TSHZ2: variants seen among roughly 807,000 people sequenced by gnomAD.
TSHZ2 encodes the protein teashirt zinc finger homeobox 2, also known as teashirt homolog 2.
In TSHZ2, 21 loss-of-function variants were observed where a neutral mutation model predicts 74.4. The observed-to-expected ratio is 0.28, with a 90% confidence interval of 0.20 to 0.41. The LOEUF (loss-of-function observed/expected upper bound fraction) is 0.41. Among genes scored for constraint, TSHZ2 ranks in the 10% least tolerant of loss-of-function variants. The pLI is 1.00. For synonymous variants in TSHZ2, 540 were observed against 515.3 expected (o/e 1.05, Z -0.65); for missense variants, 1,244 against 1,293.5 (o/e 0.96, Z 0.59).
chr20:53,245,987 A>G (rs547809384), intron 1 of TSHZ2, among the ~76,000 whole-genome samples: 1 of 151,470 alleles, frequency 6.6e-6, no homozygotes, highest in Non-Finnish European at 1.5e-5. Context: ...GGCAATCCCA[A>G]ACTCCATGAA....
chr20:53,233,642 G>A (rs909799976), intron 1 of TSHZ2, among the ~76,000 whole-genome samples: 2 of 152,180 alleles, frequency 1.3e-5, no homozygotes, highest in African/African-American at 4.8e-5. Flanking sequence ...AAGTGATAGA[G>A]CTGGGATTTT....
rs565038768 is a variant in TSHZ2 at position 53,417,251 on chromosome 20, C to G, written c.*9-69893C>G. Among the ~76,000 whole-genome samples the G allele has an allele frequency of 1.6e-4, 24 of 149,876 alleles. No homozygotes were observed. In the East Asian group the frequency reaches 3.1e-3, roughly 19 times the overall value. ...ACACAGACACACACAGACACACACA[C>G]ACACACACACACACACACACACACA... On this transcript the variant is annotated intron_variant, in intron 2 of 2. Coordinates refer to ENST00000371497, the MANE Select transcript of TSHZ2 (RefSeq NM_173485.6).
At chr20:53,217,970 TCC>T (rs2123631961) in intron 1 of TSHZ2, among the ~76,000 whole-genome samples, 1 of 152,288 alleles carries the variant, frequency 6.6e-6, no homozygotes, top group East Asian at 1.9e-4. Context: ...GCATAGATTC[TCC>T]TCCCTGAACA....
At chr20:53,296,191 G>A (rs1991376462) in intron 2 of TSHZ2, among the ~76,000 whole-genome samples, 1 of 151,956 alleles carries the variant, frequency 6.6e-6, no homozygotes, top group Non-Finnish European at 1.5e-5. Flanking sequence ...CTAGGTCTGC[G>A]TTTTTGTCTC....
At chr20:53,191,634 G>A (rs1988739600) in intron 1 of TSHZ2, among the ~76,000 whole-genome samples, 1 of 152,236 alleles carries the variant, frequency 6.6e-6, no homozygotes, top group South Asian at 2.1e-4. Flanking sequence ...CTGCGCTCCA[G>A]CCTGGGTGAC....
rs769776156 is a variant in TSHZ2, at chr20:53,258,394, TAGAG to T, written c.*8+1827_*8+1830del. Among the ~76,000 whole-genome samples the T allele has an allele frequency of 9.9e-5, 15 of 152,264 alleles. No homozygotes were observed. The East Asian group carries it at 1.3e-3, about 14-fold the overall frequency. Reference sequence around the variant, plus strand: ...AGAGGGGGGGCATACAGAGAATACTTAGAGAGAAGAAAGATATTTCAAATCCAAT... The same window carrying T: ...AGAGGGGGGGCATACAGAGAATACTTAGAAGAAAGATATTTCAAATCCAAT... On this transcript the variant is annotated intron_variant, in intron 2 of 2. Coordinates refer to ENST00000371497, the MANE Select transcript of TSHZ2 (RefSeq NM_173485.6).
rs143024847 is a variant in TSHZ2 at position 53,432,535 on chromosome 20, T to C, written c.*9-54609T>C. 3.6e-3 allele frequency among the ~76,000 whole-genome samples: 544 copies of C among 152,372 alleles called. 1 individual carries two copies. Among genetic ancestry groups the C allele is most frequent in the African/African-American group, 0.012 (510 of 41,586 alleles). ...AATAGTAGTTCTATTATTAGTTCTT[T>C]GAGAAACCTCCATACTATTTTCCAT... On this transcript the variant is annotated intron_variant, in intron 2 of 2. Coordinates refer to ENST00000371497, the MANE Select transcript of TSHZ2 (RefSeq NM_173485.6).
chr20:53,318,784 G>A (rs537045066), intron 2 of TSHZ2, among the ~76,000 whole-genome samples: 2 of 152,144 alleles, frequency 1.3e-5, no homozygotes, highest in Non-Finnish European at 1.5e-5. Context: ...AGGCTTTGGA[G>A]GTAAATATTC....
intron 1 of TSHZ2, among the ~76,000 whole-genome samples, chr20:53,206,386 G>A (rs1432443914): frequency 6.6e-6 from 1 of 152,160 alleles, no homozygotes; most frequent in East Asian, 1.9e-4. Context: ...TAAACACGAT[G>A]ATGAGGATAA....
intron 2 of TSHZ2, among the ~76,000 whole-genome samples, chr20:53,280,752 G>T (rs1991043488): frequency 6.6e-6 from 1 of 151,960 alleles, no homozygotes; most frequent in Admixed American, 6.6e-5. Flanking sequence ...GAGTACAGTG[G>T]CGCGATCTCA....
intron 1 of TSHZ2, among the ~76,000 whole-genome samples, chr20:53,145,447 A>G (rs1987517113): frequency 6.6e-6 from 1 of 152,122 alleles, no homozygotes; most frequent in South Asian, 2.1e-4. Flanking sequence ...TTGAGTACAC[A>G]TTCTTTCTTT....
At chr20:53,321,813 G>T (rs971385851) in intron 2 of TSHZ2, among the ~76,000 whole-genome samples, 14 of 152,140 alleles carry the variant, frequency 9.2e-5, no homozygotes, top group African/African-American at 3.1e-4. Flanking sequence ...CACCTCTGGG[G>T]AATTGTTGTC....
At chr20:53,053,994 T>C (rs1443108602) in intron 1 of TSHZ2, among the ~76,000 whole-genome samples, 1 of 152,204 alleles carries the variant, frequency 6.6e-6, no homozygotes, top group Non-Finnish European at 1.5e-5. Flanking sequence ...AGCATTTTGA[T>C]TTTATTGAGT....
At chr20:53,403,027 C>G (rs907929652) in intron 2 of TSHZ2, among the ~76,000 whole-genome samples, 3 of 152,132 alleles carry the variant, frequency 2.0e-5, no homozygotes, top group African/African-American at 7.2e-5. Context: ...GACGCAGTAC[C>G]CAACAGGTAG....
At chr20:53,319,901 C>A (rs1172781705) in intron 2 of TSHZ2, among the ~76,000 whole-genome samples, 1 of 152,222 alleles carries the variant, frequency 6.6e-6, no homozygotes, top group African/African-American at 2.4e-5. Flanking sequence ...GATTATTACT[C>A]TACAGTGTGG....
At chr20:53,095,667 C>T (rs1161721372) in intron 1 of TSHZ2, among the ~76,000 whole-genome samples, 2 of 152,138 alleles carry the variant, frequency 1.3e-5, no homozygotes, top group African/African-American at 2.4e-5. Flanking sequence ...CATTTAGGGC[C>T]AGATAATTCT....
At chr20:53,222,494 C>T (rs1360333162) in intron 1 of TSHZ2, among the ~76,000 whole-genome samples, 1 of 152,234 alleles carries the variant, frequency 6.6e-6, no homozygotes, top group African/African-American at 2.4e-5. Flanking sequence ...CTCTAAGCCT[C>T]TCCTAATCAA....
chr20:53,442,512 G>A (rs1487734547), intron 2 of TSHZ2, among the ~76,000 whole-genome samples: 1 of 152,198 alleles, frequency 6.6e-6, no homozygotes, highest in African/African-American at 2.4e-5. Context: ...TTAGGGAAAT[G>A]CGGTGGTAAT....
chr20:53,001,234 G>GTGTGTGCGTGTGTGTA (rs1982423861), intron 1 of TSHZ2, among the ~76,000 whole-genome samples: 1 of 137,630 alleles, frequency 7.3e-6, no homozygotes, highest in South Asian at 2.2e-4. Context: ...GTGTGTGTGT[G>GTGTGTGCGTGTGTGTA]TGTGTGTGTG....
Sources: allele counts gnomAD v4.1 joint callset (sites outside exome capture counted in the v4.1 genomes callset), GRCh38; gene constraint gnomAD v4.1.1; transcripts MANE v1.5; gene names NCBI Gene and HGNC (gene_info 2026-07-23, HGNC 2026-07-21).